IPO5: variants seen among roughly 807,000 people sequenced by gnomAD.
IPO5 encodes importin 5.
A neutral mutation model predicts 143.3 loss-of-function variants in IPO5; 18 were observed. The observed-to-expected ratio is 0.13, with a 90% CI of 0.09 to 0.19. The LOEUF (loss-of-function observed/expected upper bound fraction) is 0.19. Among genes scored for constraint, IPO5 ranks in the 10% least tolerant of loss-of-function variants. The pLI is 1.00. For missense variants in IPO5, 1,013 were observed against 1,336.9 expected (o/e 0.76, Z 3.78); for synonymous variants, 477 against 465.7 (o/e 1.02, Z -0.31).
chr13:97,957,200 T>C (rs1469168123), intron 2 of IPO5, among the ~76,000 whole-genome samples: 1 of 152,076 alleles, frequency 6.6e-6, no homozygotes, highest in Non-Finnish European at 1.5e-5. Context: ...AACATCTTTT[T>C]TTTTTTCTAT....
At chr13:98,018,726 C>A in intron 26 of IPO5, 22 bp downstream of exon 26, 3 of 1,555,304 alleles carry the variant, frequency 1.9e-6, no homozygotes, top group South Asian at 1.1e-5. Flanking sequence ...TATTCCGTTA[C>A]GTGCATTTCA....
rs1175620097 is a variant in IPO5, at chr13:97,980,783, C to T, written c.91-1720C>T. 2.7e-5 allele frequency among the ~76,000 whole-genome samples: 4 copies of T among 149,090 alleles called. No individual in the cohort carries two copies. In the Admixed American group the frequency reaches 2.7e-4, roughly 10 times the overall value. On this transcript the variant is annotated intron_variant, in intron 4 of 28. Coordinates refer to ENST00000651721, the MANE Select transcript of IPO5 (RefSeq NM_002271.6). ...CAGAGGTTGCAGTGAGCCGAGATCG[C>T]ACCACTGCGCTCTAGCCTGGGCGAC...
chr13:97,966,609 A>G (rs1885363758), intron 2 of IPO5, among the ~76,000 whole-genome samples: 1 of 152,176 alleles, frequency 6.6e-6, no homozygotes, highest in South Asian at 2.1e-4. Flanking sequence ...GCCTTATAAA[A>G]TGATTCATTA....
intron 4 of IPO5, chr13:97,981,547 G>A (rs557450721): frequency 2.0e-4 from 48 of 245,932 alleles, no homozygotes; most frequent in Non-Finnish European, 3.0e-4. Context: ...GAGAAGCCAC[G>A]TATAGAGGTA....
chr13:97,993,929 C>T (rs560609312), intron 11 of IPO5, among the ~76,000 whole-genome samples: 1 of 152,288 alleles, frequency 6.6e-6, no homozygotes, highest in East Asian at 1.9e-4. Context: ...AAGTCAGGAA[C>T]AAGAAAAATA....
At chr13:98,014,945 C>T (rs74806832) in intron 22 of IPO5, among the ~76,000 whole-genome samples, 3,356 of 151,754 alleles carry the variant, frequency 0.022, 114 homozygotes, top group African/African-American at 0.067. Flanking sequence ...ATTCTCCTTT[C>T]CTCAAGCACT....
chr13:97,969,632 T>G, intron 2 of IPO5, 91 bp from the exon 3 acceptor site: 1 of 680,810 alleles, frequency 1.5e-6, no homozygotes, highest in Middle Eastern at 2.3e-4. Flanking sequence ...GATAAGGATT[T>G]ATTCTTCAAA....
At chr13:97,985,985 G>A (rs1479448377) in intron 6 of IPO5, among the ~76,000 whole-genome samples, 1 of 152,062 alleles carries the variant, frequency 6.6e-6, no homozygotes, top group Non-Finnish European at 1.5e-5. Context: ...GTGATGGTGT[G>A]CACCTGTAGT....
chr13:97,964,925 A>C (rs1015750199), intron 2 of IPO5, among the ~76,000 whole-genome samples: 1 of 152,214 alleles, frequency 6.6e-6, no homozygotes, highest in Admixed American at 6.5e-5. Flanking sequence ...ACAATAGCAA[A>C]GACTTGGAAC....
In IPO5 at chr13:97,979,814, C is replaced by T. The variant is rs187430816; in HGVS notation, c.91-2689C>T. ...GTGTTGGAATTACAGGCATGAGCCA[C>T]CACACCCAGCCCATTGTTGAGATTT... On this transcript the variant is annotated intron_variant, in intron 4 of 28. Coordinates refer to ENST00000651721, the MANE Select transcript of IPO5 (RefSeq NM_002271.6). 2,816 of 446,938 alleles carry T rather than the reference C, an allele frequency of 6.3e-3. 38 individuals are homozygous for T. The highest frequency in any genetic ancestry group is 9.9e-3 in the Middle Eastern group (30 of 3,024). 27.7% of individuals were successfully genotyped at this position (446,938 alleles called of 1,614,324 possible).
At chr13:97,962,764 A>T (rs1280638230) in intron 2 of IPO5, among the ~76,000 whole-genome samples, 1 of 151,912 alleles carries the variant, frequency 6.6e-6, no homozygotes, top group African/African-American at 2.4e-5. Flanking sequence ...GGTTGCAGTG[A>T]GCCAAGATTG....
At position 98,021,791 on chromosome 13, in the gene IPO5, C is replaced by A; in HGVS notation, c.3263C>A (p.Ala1088Asp). The A allele has an allele frequency of 6.2e-7, 1 of 1,606,026 alleles. No homozygotes were observed. Among genetic ancestry groups the A allele is most frequent in the Non-Finnish European group, 8.5e-7 (1 of 1,173,856 alleles). The change falls in exon 29 of 29, where the codon GCC becomes GAC. Residue 1088 changes from alanine to aspartate, a missense_variant. By Grantham distance (126) the Ala-to-Asp change is moderately radical (BLOSUM62 -2). This residue lies in a region of IPO5 where 685 missense variants were observed against 994.9 expected (regional missense o/e 0.69). Coordinates refer to ENST00000651721, the MANE Select transcript of IPO5 (RefSeq NM_002271.6). ...GCACAGCTCAGTCCTGAGCAGCAGG[C>A]CGCCATTCAGGAGCTCCTGAACTCT... The part of the protein sequence containing the change: ...CIAQLSPEQQ[A>D]AIQELLNSA
intron 3 of IPO5, among the ~76,000 whole-genome samples, chr13:97,972,873 T>C (rs749214324): frequency 1.2e-4 from 18 of 152,038 alleles, no homozygotes; most frequent in Non-Finnish European, 2.5e-4. Context: ...TTAGCGACAT[T>C]AAGCACTCAA....
chr13:98,023,237 A>T lies in IPO5; in HGVS notation c.*1415A>T, dbSNP rs1890596316. On this transcript the variant is annotated 3_prime_UTR_variant, in exon 29 of 29. Coordinates refer to ENST00000651721, the MANE Select transcript of IPO5 (RefSeq NM_002271.6). ...AGGCTTCCGAATCTAGCAAAGCAGC[A>T]TATTAAATGACTCCACCTGCGCAGT... 6.6e-6 allele frequency: 1 copy of T among 152,328 alleles called. No homozygotes were observed. Among genetic ancestry groups the T allele is most frequent in the Non-Finnish European group, 1.5e-5 (1 of 68,040 alleles). The allele number at this position is 152,328 out of a possible 1,614,324, so 9.4% of individuals were successfully genotyped here. A position where few individuals can be genotyped will look rare whatever the true frequency, so the allele number is the denominator to read the frequency against.
chr13:97,992,268 T>C (rs1377212181), intron 9 of IPO5, among the ~76,000 whole-genome samples: 1 of 152,198 alleles, frequency 6.6e-6, no homozygotes, highest in Non-Finnish European at 1.5e-5. Flanking sequence ...CTGAAATAGA[T>C]AATGATAAAC....
At chr13:97,995,102 G>A (rs1448158730) in intron 11 of IPO5, among the ~76,000 whole-genome samples, 1 of 149,332 alleles carries the variant, frequency 6.7e-6, no homozygotes, top group Admixed American at 6.6e-5. Flanking sequence ...TCCGGCCTGG[G>A]TGACGGAGTG....
In IPO5 at chr13:97,995,170, TC is replaced by T. The variant is rs1212384077; in HGVS notation, c.913+1946del. Among the ~76,000 whole-genome samples the T allele has an allele frequency of 2.7e-5, 4 of 150,116 alleles. No homozygotes were observed. The East Asian group carries it at 5.8e-4, about 22-fold the overall frequency. On this transcript the variant is annotated intron_variant, in intron 11 of 28. Transcript: ENST00000651721. The stretch of plus-strand genomic sequence containing the variant: ...TCTGGGATATCTTTCTTTCATTCTT[TC>T]TTTCTTTGTTTTTTTTTTTTTTGTT...
chr13:98,016,860 T>C lies in IPO5; in HGVS notation c.2616+9T>C, dbSNP rs1460938483. ...TAATTGTCAACCTCATTGTAAGTGT[T>C]ACCTCTCTTAATAGTTGTTTTGCGT... is the stretch of plus-strand genomic sequence containing the variant. On this transcript the variant is annotated intron_variant, in intron 25 of 28. Coordinates refer to ENST00000651721, the MANE Select transcript of IPO5 (RefSeq NM_002271.6). 12 of 1,532,860 alleles carry C rather than the reference T, an allele frequency of 7.8e-6. No homozygotes were observed. In the South Asian group the frequency reaches 1.5e-4, roughly 20 times the overall value. 95.0% of individuals were successfully genotyped at this position (1,532,860 alleles called of 1,614,324 possible).
At chr13:98,005,058 G>A (rs1354212481) in intron 16 of IPO5, among the ~76,000 whole-genome samples, 9 of 151,860 alleles carry the variant, frequency 5.9e-5, no homozygotes, top group East Asian at 5.8e-4. Flanking sequence ...CACCACACCC[G>A]GCTAATTTTT....
Sources: gnomAD v4.1 joint callset for allele counts (sites outside exome capture counted in the v4.1 genomes callset) on GRCh38, gnomAD v4.1.1 for gene constraint, gnomAD v4.1.1 regional missense constraint, MANE v1.5 for transcripts, NCBI Gene and HGNC (gene_info 2026-07-23, HGNC 2026-07-21) for gene names.